The following PPFIA2 variants were observed in gnomAD, a reference collection of about 807,000 sequenced individuals.
PPFIA2 encodes PPFI scaffold protein A2.
Under a neutral mutation model 175.5 loss-of-function variants are expected in PPFIA2, and 46 were observed. That is an observed-to-expected ratio of 0.26 (90% CI 0.21 to 0.34). The LOEUF (loss-of-function observed/expected upper bound fraction) is 0.34. PPFIA2 is among the 10% of genes least tolerant of loss of function. The pLI is 1.00. For synonymous variants in PPFIA2, 568 were observed against 511.4 expected, an observed-to-expected ratio of 1.11 and a Z score of -1.49; for missense variants, 1,179 against 1,506.1, an observed-to-expected ratio of 0.78 and a Z score of 3.60.
intron 4 of PPFIA2, among the ~76,000 whole-genome samples, chr12:81,664,575 T>C (rs544633848): frequency 9.2e-5 from 14 of 152,008 alleles, no homozygotes; most frequent in South Asian, 2.1e-4. Flanking sequence ...AGGAACACTT[T>C]TACACTGTTG....
At chr12:81,516,665 G>T (rs1162783174) in intron 4 of PPFIA2, among the ~76,000 whole-genome samples, 6 of 152,104 alleles carry the variant, frequency 3.9e-5, no homozygotes, top group Non-Finnish European at 8.8e-5. Flanking sequence ...TTCAAAGAAT[G>T]GACCAGATTC....
At chr12:81,561,898 A>G (rs2070181995) in intron 4 of PPFIA2, among the ~76,000 whole-genome samples, 1 of 152,238 alleles carries the variant, frequency 6.6e-6, no homozygotes, top group South Asian at 2.1e-4. Flanking sequence ...TTAACCATGC[A>G]TCTACCTGGA....
chr12:81,425,979 C>G (rs2047071739), intron 7 of PPFIA2, among the ~76,000 whole-genome samples: 1 of 152,086 alleles, frequency 6.6e-6, no homozygotes, highest in South Asian at 2.1e-4. Flanking sequence ...GGCTTTTGCC[C>G]TCAGCCTTAA....
intron 7 of PPFIA2, among the ~76,000 whole-genome samples, chr12:81,427,612 A>G (rs1250670476): frequency 6.6e-6 from 1 of 152,062 alleles, no homozygotes; most frequent in South Asian, 2.1e-4. Context: ...AAAATACAAA[A>G]AAAAGGAGAT....
chr12:81,691,247 T>G (rs2075208923), intron 3 of PPFIA2, among the ~76,000 whole-genome samples: 1 of 152,160 alleles, frequency 6.6e-6, no homozygotes, highest in South Asian at 2.1e-4. Flanking sequence ...CCACTGAACT[T>G]CCATTATACT....
intron 3 of PPFIA2, among the ~76,000 whole-genome samples, chr12:81,700,566 C>A (rs1306967472): frequency 6.6e-6 from 1 of 151,984 alleles, no homozygotes; most frequent in Non-Finnish European, 1.5e-5. Flanking sequence ...GCATATGGTT[C>A]TGGGAAATGT....
intron 7 of PPFIA2, among the ~76,000 whole-genome samples, chr12:81,412,174 T>A (rs1159603615): frequency 1.3e-5 from 2 of 151,872 alleles, no homozygotes; most frequent in Non-Finnish European, 2.9e-5. Context: ...CCATTAAATA[T>A]CTTTTTATGC....
Position 81,353,147 on chromosome 12 carries a change from G to T in PPFIA2, c.1966C>A (p.Gln656Lys), listed in dbSNP as rs1334509351. Residue 656 changes from glutamine (Q) to lysine (K), a missense_variant, in exon 17 of 33, where the codon CAA becomes AAA. Physicochemically the swap from Gln to Lys is moderately conservative, Grantham distance 53. This residue lies in a region of PPFIA2 where 11 missense variants were observed against 31.9 expected (regional missense o/e 0.35). Coordinates refer to ENST00000549396, the MANE Select transcript of PPFIA2 (RefSeq NM_003625.5). ...ATTTCTTTGTTGATGGCATCCAATTGTTCCTGAAGCATCATGGCTAGCGTC... is the reference window on the plus strand; with the variant it reads ...ATTTCTTTGTTGATGGCATCCAATTTTTCCTGAAGCATCATGGCTAGCGTC... The part of the protein sequence containing the change: ...AQTLAMMLQE[Q>K]LDAINKEIRL... 2 of 1,613,744 alleles carry T rather than the reference G, an allele frequency of 1.2e-6. No individual in the cohort carries two copies. Among genetic ancestry groups the T allele is most frequent in the Non-Finnish European group, 1.7e-6 (2 of 1,179,780 alleles).
chr12:81,628,376 CTTTTTTTT>C (rs11304359), intron 4 of PPFIA2, among the ~76,000 whole-genome samples: 4 of 111,676 alleles, frequency 3.6e-5, no homozygotes, highest in Non-Finnish European at 5.4e-5. Context: ...TTTCTTTTAC[CTTTTTTTT>C]TTTTTTTTTT....
intron 3 of PPFIA2, among the ~76,000 whole-genome samples, chr12:81,679,351 A>T (rs1441742275): frequency 1.3e-5 from 2 of 151,946 alleles, no homozygotes; most frequent in Non-Finnish European, 2.9e-5. Context: ...TATATTAATG[A>T]TATAAATTTT....
chr12:81,605,658 T>G (rs1167913528), intron 4 of PPFIA2, among the ~76,000 whole-genome samples: 2 of 142,244 alleles, frequency 1.4e-5, no homozygotes, highest in African/African-American at 5.5e-5. Context: ...CAGCTATCTA[T>G]CTATCTATCT....
intron 4 of PPFIA2, among the ~76,000 whole-genome samples, chr12:81,600,729 G>T (rs1304784609): frequency 6.6e-6 from 1 of 151,836 alleles, no homozygotes; most frequent in East Asian, 1.9e-4. Context: ...TTCCTCTTAT[G>T]GTTAGCGAGG....
At chr12:81,687,051 G>A (rs968183712) in intron 3 of PPFIA2, among the ~76,000 whole-genome samples, 2 of 151,872 alleles carry the variant, frequency 1.3e-5, no homozygotes, top group African/African-American at 4.8e-5. Context: ...ACCTGAATTC[G>A]GCTGCATCTG....
At chr12:81,619,640 A>C (rs2153478780) in intron 4 of PPFIA2, among the ~76,000 whole-genome samples, 1 of 152,278 alleles carries the variant, frequency 6.6e-6, no homozygotes, top group South Asian at 2.1e-4. Flanking sequence ...AATTTAAGTA[A>C]GATCTTCATT....
intron 4 of PPFIA2, among the ~76,000 whole-genome samples, chr12:81,651,621 T>C (rs2067034102): frequency 6.6e-6 from 1 of 152,042 alleles, no homozygotes; most frequent in Non-Finnish European, 1.5e-5. Flanking sequence ...GCTACAAGAG[T>C]CTTAAAGTCT....
chr12:81,664,987 T>C (rs1450697826), intron 4 of PPFIA2, among the ~76,000 whole-genome samples: 2 of 149,230 alleles, frequency 1.3e-5, no homozygotes, highest in Admixed American at 6.7e-5. Flanking sequence ...AATTGAACAA[T>C]GAGAACACAT....
At chr12:81,640,402 C>T (rs1290618120) in intron 4 of PPFIA2, among the ~76,000 whole-genome samples, 1 of 152,144 alleles carries the variant, frequency 6.6e-6, no homozygotes, top group Non-Finnish European at 1.5e-5. Context: ...AAAATATCGT[C>T]TTATCCTACG....
chr12:81,325,920 C>G (rs2054664397), intron 21 of PPFIA2, 50 bp from the exon 22 acceptor site: 20 of 1,352,122 alleles, frequency 1.5e-5, no homozygotes, highest in Non-Finnish European at 2.1e-5. Context: ...TAGGTTGTGT[C>G]AATTCTGAAG....
chr12:81,633,599 G>C (rs1181758170), intron 4 of PPFIA2, among the ~76,000 whole-genome samples: 3 of 151,920 alleles, frequency 2.0e-5, no homozygotes, highest in African/African-American at 7.2e-5. Flanking sequence ...AGTTAAAGAG[G>C]AGCTTGCCAG....
Sources: gnomAD v4.1 joint callset for allele counts (sites outside exome capture counted in the v4.1 genomes callset) on GRCh38, gnomAD v4.1.1 for gene constraint, gnomAD v4.1.1 regional missense constraint, MANE v1.5 for transcripts, NCBI Gene and HGNC (gene_info 2026-07-23, HGNC 2026-07-21) for gene names.